Variants in FMNL3 observed in about 807,000 individuals in gnomAD.
FMNL3 encodes the protein formin-like protein 3.
A neutral mutation model predicts 119.6 loss-of-function variants in FMNL3; 57 were observed. The ratio of observed to expected loss-of-function variants is 0.48; its 90% confidence interval spans 0.39 to 0.59. The LOEUF is 0.59. FMNL3 is among the 20% of genes least tolerant of loss of function. The pLI, the probability that FMNL3 is intolerant of heterozygous loss-of-function variation, is 0.00. For synonymous variants in FMNL3, 491 were observed against 507.3 expected, an observed-to-expected ratio of 0.97 and a Z score of 0.43; for missense variants, 1,053 against 1,323.5, an observed-to-expected ratio of 0.80 and a Z score of 3.17.
At position 49,646,916 on chromosome 12, in the gene FMNL3, T is replaced by TC. The variant is rs1461251714; in HGVS notation, c.2964dup (p.Lys989GlufsTer83). On this transcript the variant is annotated frameshift_variant, in exon 25 of 26. Coordinates refer to ENST00000335154, the MANE Select transcript of FMNL3 (RefSeq NM_175736.5). LOFTEE classifies it high-confidence loss of function. ...ATGATGTCCTCGATGGTACCATCCT[T>TC]CCCCTCATAAACAGGCCGGTGTTCC... 6.2e-7 allele frequency: 1 copy of TC among 1,613,808 alleles called. No homozygotes were observed. Among genetic ancestry groups the TC allele is most frequent in the African/African-American group, 1.3e-5 (1 of 74,822 alleles).
chr12:49,674,288 C>T (rs1056153310), intron 1 of FMNL3, among the ~76,000 whole-genome samples: 5 of 152,236 alleles, frequency 3.3e-5, no homozygotes, highest in Non-Finnish European at 7.3e-5. Context: ...AATCACAGAA[C>T]AGTCAATAAC....
chr12:49,659,278 T>C (rs978180289), intron 5 of FMNL3, among the ~76,000 whole-genome samples: 1 of 152,216 alleles, frequency 6.6e-6, no homozygotes, highest in Non-Finnish European at 1.5e-5. Context: ...TCCCTGGGCT[T>C]CAGTTTCCCT....
chr12:49,706,979 C>G, intron 1 of FMNL3, 76 bp downstream of exon 1: 2 of 1,493,386 alleles, frequency 1.3e-6, no homozygotes, highest in Admixed American at 2.1e-5. Context: ...GGACGGGGGC[C>G]CAGCACAAAG....
In FMNL3 at chr12:49,707,256, G is replaced by GGCT; in HGVS notation, c.-79_-77dup. 12 of 1,325,260 alleles carry GGCT rather than the reference G, an allele frequency of 9.1e-6. No individual in the cohort carries two copies. The highest frequency in any genetic ancestry group is 1.2e-5 in the Non-Finnish European group (12 of 1,017,210). 82.1% of individuals were successfully genotyped at this position (1,325,260 alleles called of 1,614,324 possible). ...GCTTTCGGCTCCGCGGCTCCGACCA[G>GGCT]GCTCCTCCCTCAGCGCCGGCTCCCC... is the stretch of plus-strand genomic sequence containing the variant. On this transcript the variant is annotated 5_prime_UTR_variant, in exon 1 of 26. Coordinates refer to ENST00000335154, the MANE Select transcript of FMNL3 (RefSeq NM_175736.5).
chr12:49,673,499 A>G (rs761680303), intron 1 of FMNL3, among the ~76,000 whole-genome samples: 126 of 152,396 alleles, frequency 8.3e-4, no homozygotes, highest in Non-Finnish European at 4.3e-4. Flanking sequence ...CTAGCTGCCA[A>G]AAGGACAGAG....
In FMNL3 at chr12:49,653,726, T is replaced by A. The variant is rs768851738; in HGVS notation, c.1220A>T (p.His407Leu). The A allele has an allele frequency of 6.8e-6, 11 of 1,613,974 alleles. No individual in the cohort carries two copies. The Admixed American group carries it at 1.8e-4, about 27-fold the overall frequency. ...GGCAGGCAAAGGAAGACCACCTACATGGGACACATGCTCCTCCAACTCCTC... is the reference window on the plus strand; with the variant it reads ...GGCAGGCAAAGGAAGACCACCTACAAGGGACACATGCTCCTCCAACTCCTC... ...KVEELEEHVS[H>L]LTEKLLDLEN... Residue 407 changes from histidine (H) to leucine (L), a missense_variant and splice_region_variant, in exon 12 of 26, where the codon CAT becomes CTT. His to Leu is a moderately conservative substitution (Grantham distance 99, BLOSUM62 -3). Coordinates refer to ENST00000335154, the MANE Select transcript of FMNL3 (RefSeq NM_175736.5).
intron 6 of FMNL3, among the ~76,000 whole-genome samples, 186 bp downstream of exon 6, chr12:49,658,256 A>G (rs1179759209): frequency 6.6e-6 from 1 of 152,150 alleles, no homozygotes; most frequent in East Asian, 1.9e-4. Context: ...CTTACCCAGG[A>G]CAGACCGCTG....
Position 49,658,500 on chromosome 12 carries a change from C to T in FMNL3, c.547G>A (p.Ala183Thr), listed in dbSNP as rs200065338. The change falls in exon 6 of 26, where the codon GCC (alanine) becomes ACC (threonine). Residue 183 changes from alanine (A) to threonine (T), a missense_variant. Physicochemically the swap from Ala to Thr is moderately conservative, Grantham distance 58. This residue lies in a region of FMNL3 where 264 missense variants were observed against 265.5 expected (regional missense o/e 0.99). Coordinates refer to ENST00000335154, the MANE Select transcript of FMNL3 (RefSeq NM_175736.5). Reference sequence around the variant, plus strand: ...CTGTTGGTGAAGGGGGCCGACAGGGCGCTGGGTGGCTGCAGGTCCTCGATT... The same window carrying T: ...CTGTTGGTGAAGGGGGCCGACAGGGTGCTGGGTGGCTGCAGGTCCTCGATT... ...RSIEDLQPPS[A>T]LSAPFTNSLA... 6.2e-6 allele frequency: 10 copies of T among 1,613,598 alleles called. No individual in the cohort carries two copies. Among genetic ancestry groups the T allele is most frequent in the African/African-American group, 2.7e-5 (2 of 75,022 alleles).
chr12:49,649,811 C>T lies in FMNL3; in HGVS notation c.2115G>A (p.Glu705=). 1 of 1,614,236 alleles carries T rather than the reference C, an allele frequency of 6.2e-7. No individual in the cohort carries two copies. Among genetic ancestry groups the T allele is most frequent in the Non-Finnish European group, 8.5e-7 (1 of 1,180,046 alleles). The change falls in exon 18 of 26, where the codon GAG becomes GAA. Residue 705 remains glutamate, a synonymous_variant. Transcript: ENST00000335154. This position sits in a 1 kb window ranked among gnomAD's most constrained non-coding sequence, Gnocchi z 5.6. ...TGAAGCGGTCCTCAGCTGCCAACTCCTCCAGGGGCTGCCGCTCCCGCTCAT... is the reference window on the plus strand; with the variant it reads ...TGAAGCGGTCCTCAGCTGCCAACTCTTCCAGGGGCTGCCGCTCCCGCTCAT... ...RQYERERQPL[E]ELAAEDRFML...
intron 5 of FMNL3, among the ~76,000 whole-genome samples, chr12:49,661,090 G>A (rs1296472859): frequency 6.6e-6 from 1 of 152,210 alleles, no homozygotes; most frequent in Admixed American, 6.5e-5. Flanking sequence ...CCTGTCTTAG[G>A]TGTAAGTCTA....
chr12:49,685,088 CA>C (rs1156504092), intron 1 of FMNL3, among the ~76,000 whole-genome samples: 1 of 152,186 alleles, frequency 6.6e-6, no homozygotes, highest in Non-Finnish European at 1.5e-5. Context: ...GCCCATATAA[CA>C]GCAACTCTAC....
At chr12:49,705,006 T>C (rs981169868) in intron 1 of FMNL3, among the ~76,000 whole-genome samples, 2 of 152,122 alleles carry the variant, frequency 1.3e-5, no homozygotes, top group African/African-American at 4.8e-5. Context: ...TCCCAAAGCA[T>C]GGTAGAAAGG....
intron 1 of FMNL3, among the ~76,000 whole-genome samples, chr12:49,692,226 G>A (rs959783459): frequency 1.3e-5 from 2 of 151,516 alleles, no homozygotes; most frequent in East Asian, 1.9e-4. Context: ...GGTGGTGCAC[G>A]CCTGTAGTCC....
intron 1 of FMNL3, among the ~76,000 whole-genome samples, chr12:49,671,328 G>C (rs1944040905): frequency 6.6e-6 from 1 of 152,288 alleles, no homozygotes; most frequent in African/African-American, 2.4e-5. Flanking sequence ...ATGGAAACGG[G>C]TGGTAGAGGC....
intron 1 of FMNL3, among the ~76,000 whole-genome samples, chr12:49,680,648 C>T (rs1457447998): frequency 6.6e-6 from 1 of 152,214 alleles, no homozygotes; most frequent in Non-Finnish European, 1.5e-5. Flanking sequence ...CCTCTTTAGA[C>T]TTAACCTTTT....
chr12:49,668,419 G>A, intron 2 of FMNL3, 52 bp downstream of exon 2: 1 of 1,582,408 alleles, frequency 6.3e-7, no homozygotes, highest in Non-Finnish European at 8.7e-7. Flanking sequence ...CACAGCCTTA[G>A]CCAGCCCAAG....
At position 49,645,668 on chromosome 12, in the gene FMNL3, CAAGTAGA is replaced by C; in HGVS notation, c.*140_*146del. 1.5e-6 allele frequency: 1 copy of C among 649,770 alleles called. No homozygotes were observed. The highest frequency in any genetic ancestry group is 2.1e-5 in the South Asian group (1 of 48,624). The allele number at this position is 649,770 out of a possible 1,614,324, so 40.3% of individuals were successfully genotyped here. ...TACAGACCTAGTGCCCATAGTGGCA[CAAGTAGA>C]AAGATCCAGCCTCAAGAGCTGGGGC... is the stretch of plus-strand genomic sequence containing the variant. On this transcript the variant is annotated 3_prime_UTR_variant, in exon 26 of 26. Transcript: ENST00000335154.
Position 49,649,162 on chromosome 12 carries a change from G to A in FMNL3, c.2386-4C>T. On this transcript the variant is annotated splice_region_variant and splice_polypyrimidine_tract_variant and intron_variant, in intron 20 of 25. Coordinates refer to ENST00000335154, the MANE Select transcript of FMNL3 (RefSeq NM_175736.5). The surrounding 1 kb of genome is among the most constrained non-coding windows in gnomAD (Gnocchi z 5.6). Reference sequence around the variant, plus strand: ...CAGTGGACTTGGTATCCAGCAGCTAGGAGAGGGGGTGAGGGCGGTGCACAA... The same window carrying A: ...CAGTGGACTTGGTATCCAGCAGCTAAGAGAGGGGGTGAGGGCGGTGCACAA... 2 of 1,612,646 alleles carry A rather than the reference G, an allele frequency of 1.2e-6. No individual in the cohort carries two copies. Among genetic ancestry groups the A allele is most frequent in the Non-Finnish European group, 1.7e-6 (2 of 1,179,204 alleles).
At chr12:49,694,352 T>C (rs1353922972) in intron 1 of FMNL3, among the ~76,000 whole-genome samples, 1 of 151,962 alleles carries the variant, frequency 6.6e-6, no homozygotes, top group Non-Finnish European at 1.5e-5. Context: ...AAGCAAGGAG[T>C]GGACAATCAG....
Sources: allele counts gnomAD v4.1 joint callset (sites outside exome capture counted in the v4.1 genomes callset), GRCh38; gene constraint gnomAD v4.1.1; regional missense constraint gnomAD v4.1.1; non-coding constraint Gnocchi (gnomAD v3.1); transcripts MANE v1.5; gene names NCBI Gene and HGNC (gene_info 2026-07-23, HGNC 2026-07-21).